STKLD1: variants seen among roughly 807,000 people sequenced by gnomAD.
STKLD1 encodes serine/threonine kinase-like domain-containing protein STKLD1.
In STKLD1, 79 loss-of-function variants were observed where a neutral mutation model predicts 80.4. The observed-to-expected ratio is 0.98, with a 90% CI of 0.82 to 1.19. STKLD1 has a LOEUF of 1.19. Ranked by LOEUF, STKLD1 falls within the 50% of genes most tolerant of loss-of-function variation. The pLI is 0.00. For synonymous variants in STKLD1, 393 were observed against 357.6 expected (o/e 1.10, Z -1.12); for missense variants, 841 against 856.0 (o/e 0.98, Z 0.22).
At chr9:133,383,961 C>A in intron 3 of STKLD1, 61 bp downstream of exon 3, 3 of 1,484,612 alleles carry the variant, frequency 2.0e-6, no homozygotes, top group Non-Finnish European at 2.8e-6. Context: ...AGACTGTGTT[C>A]TGTACCTTCT....
chr9:133,381,267 G>A (rs141613805), intron 2 of STKLD1, among the ~76,000 whole-genome samples: 134 of 148,720 alleles, frequency 9.0e-4, no homozygotes, highest in African/African-American at 3.1e-3. Flanking sequence ...GCCTTCCTGA[G>A]TGGCTGGGAT....
rs2130266936 is a variant in STKLD1 at position 133,381,729 on chromosome 9, C to T, written c.175-2127C>T. On this transcript the variant is annotated intron_variant, in intron 2 of 17. Coordinates refer to ENST00000371957, the MANE Select transcript of STKLD1 (RefSeq NM_153710.5). ...CCTCCCTAAGTGCTGGGATTTCAGG[C>T]GTGAGCCACTGTGCCCGGCCACAAT... Among the ~76,000 whole-genome samples the T allele has an allele frequency of 3.3e-5, 5 of 152,354 alleles. No individual in the cohort carries two copies. The South Asian group carries it at 6.2e-4, about 19-fold the overall frequency.
In STKLD1 at chr9:133,389,607, C is replaced by A. The variant is rs1271771018; in HGVS notation, c.467+11C>A. 6.2e-7 allele frequency: 1 copy of A among 1,613,330 alleles called. No homozygotes were observed. Among genetic ancestry groups the A allele is most frequent in the Non-Finnish European group, 8.5e-7 (1 of 1,179,812 alleles). Reference sequence around the variant, plus strand: ...GGACATCATCCACAGGTAAGTGGGGCCCCTGACCTCTGCGGACTGGCTGGC... The same window carrying A: ...GGACATCATCCACAGGTAAGTGGGGACCCTGACCTCTGCGGACTGGCTGGC... On this transcript the variant is annotated intron_variant, in intron 6 of 17. Coordinates refer to ENST00000371957, the MANE Select transcript of STKLD1 (RefSeq NM_153710.5). The surrounding 1 kb of genome is among the most constrained non-coding windows in gnomAD (Gnocchi z 6.4).
intron 2 of STKLD1, 106 bp downstream of exon 2, chr9:133,379,228 G>A: frequency 1.1e-6 from 1 of 940,992 alleles, no homozygotes; most frequent in Admixed American, 2.3e-5. Flanking sequence ...GCGGCAGCTG[G>A]ATTCCTCGCT....
At chr9:133,391,197 G>GC (rs1378495170) in intron 7 of STKLD1, among the ~76,000 whole-genome samples, 3 of 148,496 alleles carry the variant, frequency 2.0e-5, no homozygotes, top group Admixed American at 1.3e-4. Flanking sequence ...GGGGGGCTCA[G>GC]CCCCCCCGCC....
chr9:133,397,442 A>G, intron 10 of STKLD1, 148 bp downstream of exon 10: 4 of 1,065,062 alleles, frequency 3.8e-6, no homozygotes, highest in Non-Finnish European at 5.4e-6. Context: ...GTTTCCCTCC[A>G]TCCATCCCTA....
Position 133,403,911 on chromosome 9 carries a change from T to C in STKLD1, c.1604-9T>C, listed in dbSNP as rs1838774039. On this transcript the variant is annotated splice_polypyrimidine_tract_variant and intron_variant, in intron 15 of 17. Coordinates refer to ENST00000371957, the MANE Select transcript of STKLD1 (RefSeq NM_153710.5). ...AGCAGGCACAAGGCAGCCCGGCCCC[T>C]TTCTGCAGGCTGCATCAAGGAGCAG... The C allele has an allele frequency of 1.9e-6, 3 of 1,606,186 alleles. No homozygotes were observed. Among genetic ancestry groups the C allele is most frequent in the African/African-American group, 2.7e-5 (2 of 74,840 alleles).
intron 10 of STKLD1, 148 bp downstream of exon 10, chr9:133,397,442 A>C: frequency 9.4e-7 from 1 of 1,065,062 alleles, no homozygotes; most frequent in Non-Finnish European, 1.4e-6. Context: ...GTTTCCCTCC[A>C]TCCATCCCTA....
intron 2 of STKLD1, among the ~76,000 whole-genome samples, chr9:133,383,150 T>A (rs1838180574): frequency 1.3e-5 from 2 of 149,054 alleles, no homozygotes; most frequent in Middle Eastern, 3.7e-3. Context: ...ATGGTAATGA[T>A]TTTGATGATG....
At chr9:133,402,600 G>A (rs587624093) in intron 13 of STKLD1, among the ~76,000 whole-genome samples, 1 of 152,368 alleles carries the variant, frequency 6.6e-6, no homozygotes, top group Non-Finnish European at 1.5e-5. Flanking sequence ...GAGCCCAGGA[G>A]GCAGGGTCAG....
Position 133,389,681 on chromosome 9 carries a change from G to A in STKLD1, c.467+85G>A. 1.9e-6 allele frequency: 3 copies of A among 1,578,916 alleles called. No homozygotes were observed. The highest frequency in any genetic ancestry group is 2.6e-6 in the Non-Finnish European group (3 of 1,160,906). On this transcript the variant is annotated intron_variant, in intron 6 of 17. Coordinates refer to ENST00000371957, the MANE Select transcript of STKLD1 (RefSeq NM_153710.5). The surrounding 1 kb of genome is among the most constrained non-coding windows in gnomAD (Gnocchi z 6.4). ...GGCCACTCGGGTGCCAGTGCCCGTG[G>A]GCAGGATCTGGGGAGAAAGGTGCAC...
chr9:133,385,652 C>A lies in STKLD1; in HGVS notation c.255C>A (p.Ile85=). 1.2e-6 allele frequency: 2 copies of A among 1,613,366 alleles called. No individual in the cohort carries two copies. Among genetic ancestry groups the A allele is most frequent in the Non-Finnish European group, 1.7e-6 (2 of 1,180,002 alleles). ...MPLLKLRHAH[I]SVYQELFITW... ...TGCTGAAGCTGCGGCACGCCCACATCTCTGTGTACCAGGAGCTGTTCATCA... is the reference window on the plus strand; with the variant it reads ...TGCTGAAGCTGCGGCACGCCCACATATCTGTGTACCAGGAGCTGTTCATCA... Residue 85 remains isoleucine, a synonymous_variant, in exon 4 of 18, where the codon ATC becomes ATA. Coordinates refer to ENST00000371957, the MANE Select transcript of STKLD1 (RefSeq NM_153710.5). This position sits in a 1 kb window ranked among gnomAD's most constrained non-coding sequence, Gnocchi z 4.9.
intron 17 of STKLD1, 146 bp from the exon 18 acceptor site, chr9:133,405,106 G>A (rs1203060477): frequency 3.8e-5 from 49 of 1,300,262 alleles, no homozygotes; most frequent in Non-Finnish European, 4.8e-5. Flanking sequence ...CCTGGCTGAG[G>A]GTGACGCTTG....
chr9:133,400,391 CCT>C lies in STKLD1; in HGVS notation c.1082-21_1082-20del, dbSNP rs782807684. On this transcript the variant is annotated intron_variant, in intron 11 of 17. Coordinates refer to ENST00000371957, the MANE Select transcript of STKLD1 (RefSeq NM_153710.5). ...CCGATCTGGCCCAAAATGAGTCTCC[CCT>C]GTGCCGCCCGCCCTGCCAGGTCTGC... 72 of 1,594,662 alleles carry C rather than the reference CCT, an allele frequency of 4.5e-5. No individual in the cohort carries two copies. The highest frequency in any genetic ancestry group is 1.3e-4 in the Admixed American group (8 of 59,980).
At position 133,384,168 on chromosome 9, in the gene STKLD1, G is replaced by A; in HGVS notation, c.219+268G>A. Reference sequence around the variant, plus strand: ...AAATTTAAATATTGGGCTGGGCACGGTGGCTCACATTTGTAATCCCACCAC... The same window carrying A: ...AAATTTAAATATTGGGCTGGGCACGATGGCTCACATTTGTAATCCCACCAC... On this transcript the variant is annotated intron_variant, in intron 3 of 17. Transcript: ENST00000371957. This position sits in a 1 kb window ranked among gnomAD's most constrained non-coding sequence, Gnocchi z 4.3. The A allele has an allele frequency of 2.4e-6, 1 of 419,848 alleles. No homozygotes were observed. The highest frequency in any genetic ancestry group is 4.4e-6 in the Non-Finnish European group (1 of 229,612). 26.0% of individuals were successfully genotyped at this position (419,848 alleles called of 1,614,324 possible). A position where few individuals can be genotyped will look rare whatever the true frequency, so the allele number is the denominator to read the frequency against.
At position 133,385,829 on chromosome 9, in the gene STKLD1, C is replaced by T; in HGVS notation, c.294+138C>T. The T allele has an allele frequency of 2.7e-6, 2 of 738,736 alleles. No homozygotes were observed. Among genetic ancestry groups the T allele is most frequent in the Non-Finnish European group, 4.5e-6 (2 of 443,984 alleles). 45.8% of individuals were successfully genotyped at this position (738,736 alleles called of 1,614,324 possible). ...ATGGCAGTGACTGTAAACGTGGCCA[C>T]CCCTGACCTAACACTCACTGGGGCC... On this transcript the variant is annotated intron_variant, in intron 4 of 17. Transcript: ENST00000371957. The surrounding 1 kb of genome is among the most constrained non-coding windows in gnomAD (Gnocchi z 4.9).
At chr9:133,392,479 G>A (rs1838422613) in intron 7 of STKLD1, among the ~76,000 whole-genome samples, 2 of 151,190 alleles carry the variant, frequency 1.3e-5, no homozygotes, top group Non-Finnish European at 2.9e-5. Context: ...GGGTGGGTGA[G>A]TGGATGGATG....
Position 133,380,706 on chromosome 9 carries a change from T to G in STKLD1, c.174+1584T>G, listed in dbSNP as rs2130264260. 7.1e-4 allele frequency among the ~76,000 whole-genome samples: 108 copies of G among 152,280 alleles called. No individual in the cohort carries two copies. In the Middle Eastern group the frequency reaches 0.01, roughly 14 times the overall value. On this transcript the variant is annotated intron_variant, in intron 2 of 17. Coordinates refer to ENST00000371957, the MANE Select transcript of STKLD1 (RefSeq NM_153710.5). ...AATAAAAATATCACCCAATTATTTCTAAATAAAAATTGGGGAAAGAGAGTG... is the reference window on the plus strand; with the variant it reads ...AATAAAAATATCACCCAATTATTTCGAAATAAAAATTGGGGAAAGAGAGTG...
chr9:133,382,544 ATGG>A (rs2130269008), intron 2 of STKLD1, among the ~76,000 whole-genome samples: 27 of 146,494 alleles, frequency 1.8e-4, no homozygotes, highest in South Asian at 6.5e-4. Context: ...GATAATGGTG[ATGG>A]TGGTGATGGT....
Sources: gnomAD v4.1 joint callset for allele counts (sites outside exome capture counted in the v4.1 genomes callset) on GRCh38, gnomAD v4.1.1 for gene constraint, Gnocchi (gnomAD v3.1) non-coding constraint, MANE v1.5 for transcripts, NCBI Gene and HGNC (gene_info 2026-07-23, HGNC 2026-07-21) for gene names.